Variants in ZNF334 observed in about 807,000 individuals in gnomAD.
ZNF334 encodes zinc finger protein 334.
In ZNF334, 14 loss-of-function variants were observed where a neutral mutation model predicts 12.4. The ratio of observed to expected loss-of-function variants is 1.13; its 90% CI spans 0.74 to 1.76. ZNF334 has a LOEUF of 1.76. Ranked by LOEUF, ZNF334 falls within the 40% of genes most tolerant of loss-of-function variation. The pLI is 0.00. For synonymous variants in ZNF334, 273 were observed against 269.6 expected (o/e 1.01, Z -0.12); for missense variants, 797 against 804.5 (o/e 0.99, Z 0.11).
Position 46,513,372 on chromosome 20 carries a change from C to G in ZNF334, c.-871G>C, listed in dbSNP as rs1292250023. 2 of 152,682 alleles carry G rather than the reference C, an allele frequency of 1.3e-5. No individual in the cohort carries two copies. The highest frequency in any genetic ancestry group is 2.9e-5 in the Non-Finnish European group (2 of 68,438). The allele number at this position is 152,682 out of a possible 1,614,324, so 9.5% of individuals were successfully genotyped here. On this transcript the variant is annotated 5_prime_UTR_variant, in exon 1 of 5. Transcript: ENST00000692313. ...CAAAGACAGGGAGAGCGCGCGTCCACCCTCCGCAGACCCGAGGCCCGCTCC... is the reference window on the plus strand; with the variant it reads ...CAAAGACAGGGAGAGCGCGCGTCCAGCCTCCGCAGACCCGAGGCCCGCTCC...
At chr20:46,504,377 T>C (rs1354121948) in intron 3 of ZNF334, 71 bp from the exon 4 acceptor site, 16 of 1,399,684 alleles carry the variant, frequency 1.1e-5, no homozygotes, top group Non-Finnish European at 1.5e-5. Flanking sequence ...ATGAAGAAAG[T>C]ACAGCTTCAG....
the ZNF334 span, among the ~76,000 whole-genome samples, chr20:46,473,722 C>G: frequency 2.0e-5 from 3 of 152,224 alleles, no homozygotes; most frequent in Admixed American, 2.0e-4. Context: ...ACAAATCCTG[C>G]TCCCTCATGG....
At chr20:46,485,738 A>T in the ZNF334 span, 1 of 152,162 alleles carries the variant, frequency 6.6e-6, no homozygotes, top group East Asian at 1.9e-4. Context: ...ATTTTATCTA[A>T]AGAGTAAAAT....
chr20:46,493,617 G>A, the ZNF334 span, among the ~76,000 whole-genome samples: 1 of 152,138 alleles, frequency 6.6e-6, no homozygotes, highest in African/African-American at 2.4e-5. Flanking sequence ...AACCCTGTCT[G>A]TCCCATTAAG....
chr20:46,465,399 T>C, the ZNF334 span: 1 of 154,332 alleles, frequency 6.5e-6, no homozygotes, highest in African/African-American at 2.4e-5. Flanking sequence ...TAATAATAAC[T>C]TTAAAACAGT....
chr20:46,486,328 C>T, the ZNF334 span, among the ~76,000 whole-genome samples: 3 of 152,128 alleles, frequency 2.0e-5, no homozygotes, highest in Non-Finnish European at 2.9e-5. Flanking sequence ...GCAGGAGAAT[C>T]GCTTGAACCT....
At chr20:46,465,845 C>A in the ZNF334 span, among the ~76,000 whole-genome samples, 4 of 152,090 alleles carry the variant, frequency 2.6e-5, no homozygotes, top group East Asian at 7.7e-4. Context: ...GTCCCAGCTA[C>A]TCAGGAACCT....
the ZNF334 span, among the ~76,000 whole-genome samples, chr20:46,478,692 T>G: frequency 6.6e-6 from 1 of 152,192 alleles, no homozygotes; most frequent in African/African-American, 2.4e-5. Context: ...TTGCAGTGGT[T>G]GGAGGGCTTA....
intron 2 of ZNF334, chr20:46,506,769 G>C (rs574328866): frequency 6.4e-6 from 1 of 156,922 alleles, no homozygotes; most frequent in South Asian, 2.1e-4. Context: ...GAAGAGATGA[G>C]AAGGAGTGAC....
Position 46,502,198 on chromosome 20 carries a change from C to G in ZNF334, c.1141G>C (p.Glu381Gln). ...TGACAGAAGAAGGTTTTCCCACATTCCTTACATTCATTTGGCTTCTCTCCT... is the reference window on the plus strand; with the variant it reads ...TGACAGAAGAAGGTTTTCCCACATTGCTTACATTCATTTGGCTTCTCTCCT... ...HRGEKPNECKECGKTFFCQSA... is the reference protein window; with the variant it reads ...HRGEKPNECKQCGKTFFCQSA... Residue 381 changes from glutamate to glutamine, a missense_variant, in exon 5 of 5, where the codon GAA becomes CAA. Coordinates refer to ENST00000692313, the MANE Select transcript of ZNF334 (RefSeq NM_001353824.2). 6.2e-7 allele frequency: 1 copy of G among 1,613,962 alleles called. No individual in the cohort carries two copies. The highest frequency in any genetic ancestry group is 8.5e-7 in the Non-Finnish European group (1 of 1,179,962).
the ZNF334 span, among the ~76,000 whole-genome samples, chr20:46,493,310 G>A: frequency 0.83 from 126,230 of 152,172 alleles, 52,533 homozygotes; most frequent in East Asian, 0.99. Context: ...TAATTTAAGC[G>A]TAAGTAAGGA....
At chr20:46,469,010 C>A in the ZNF334 span, among the ~76,000 whole-genome samples, 1 of 152,162 alleles carries the variant, frequency 6.6e-6, no homozygotes, top group Admixed American at 6.5e-5. Flanking sequence ...AAGAACAATA[C>A]ACGCTGACCT....
In ZNF334 at chr20:46,502,508, C is replaced by T; in HGVS notation, c.831G>A (p.Lys277=). The T allele has an allele frequency of 6.2e-7, 1 of 1,613,176 alleles. No individual in the cohort carries two copies. Among genetic ancestry groups the T allele is most frequent in the Non-Finnish European group, 8.5e-7 (1 of 1,179,492 alleles). Reference sequence around the variant, plus strand: ...TTCTTCGGTGTCGAGTGAGGCTTGTCTTCACACGAAAAGTTTTCCTACAAT... The same window carrying T: ...TTCTTCGGTGTCGAGTGAGGCTTGTTTTCACACGAAAAGTTTTCCTACAAT... ...CSDCRKTFRV[K]TSLTRHRRIH... The change falls in exon 5 of 5, where the codon AAG becomes AAA. Residue 277 remains lysine, a synonymous_variant. Transcript: ENST00000692313.
At chr20:46,511,660 G>C (rs1302862836) in intron 2 of ZNF334, among the ~76,000 whole-genome samples, 2 of 152,186 alleles carry the variant, frequency 1.3e-5, no homozygotes, top group Non-Finnish European at 2.9e-5. Flanking sequence ...AGACATCACA[G>C]AGAACCATCA....
At chr20:46,489,012 T>G in the ZNF334 span, among the ~76,000 whole-genome samples, 1 of 152,100 alleles carries the variant, frequency 6.6e-6, no homozygotes, top group Admixed American at 6.6e-5. Flanking sequence ...TCTCTTCATG[T>G]TTCTTATTGT....
chr20:46,501,410 G>T lies in ZNF334; in HGVS notation c.1929C>A (p.Leu643=), dbSNP rs781257655. Reference sequence around the variant, plus strand: ...CTGTGTGTATTTTCTGATGTTCAGTGAGAGTCCACAGGCGACGGTAGGTTT... The same window carrying T: ...CTGTGTGTATTTTCTGATGTTCAGTTAGAGTCCACAGGCGACGGTAGGTTT... ...CGKTYRRLWT[L]TEHQKIHTGE... The change falls in exon 5 of 5, where the codon CTC becomes CTA. Residue 643 remains leucine (L), a synonymous_variant. Transcript: ENST00000692313. 2 of 1,614,138 alleles carry T rather than the reference G, an allele frequency of 1.2e-6. No individual in the cohort carries two copies. The highest frequency in any genetic ancestry group is 1.7e-6 in the Non-Finnish European group (2 of 1,180,014).
chr20:46,504,130 A>G, intron 4 of ZNF334, 84 bp downstream of exon 4: 3 of 930,356 alleles, frequency 3.2e-6, no homozygotes, highest in Non-Finnish European at 4.8e-6. Flanking sequence ...TTCATGAAAA[A>G]CATTACGATG....
In ZNF334 at chr20:46,502,800, T is replaced by G. The variant is rs532733052; in HGVS notation, c.539A>C (p.Lys180Thr). Residue 180 changes from lysine (K) to threonine (T), a missense_variant, in exon 5 of 5, where the codon AAA becomes ACA. By Grantham distance (78) the Lys-to-Thr change is moderately conservative. Transcript: ENST00000692313. ...TTTCCTCATTGGATTGTATCTGTAT[T>G]TTTTCATTCCCAAATGACTTTTCTC... ...KHEKSHLGMK[K>T]YRYNPMRKAS... 5.8e-5 allele frequency: 94 copies of G among 1,613,954 alleles called. No homozygotes were observed. In the South Asian group the frequency reaches 9.8e-4, roughly 17 times the overall value.
the ZNF334 span, chr20:46,490,978 G>C: frequency 6.6e-6 from 1 of 152,558 alleles, no homozygotes; most frequent in South Asian, 2.1e-4. Flanking sequence ...TTGGGCATGT[G>C]TCACAACTTA....
Sources: allele counts gnomAD v4.1 joint callset (sites outside exome capture counted in the v4.1 genomes callset), GRCh38; gene constraint gnomAD v4.1.1; transcripts MANE v1.5; gene names NCBI Gene and HGNC (gene_info 2026-07-23, HGNC 2026-07-21).